Variants in ZRANB3 observed in about 807,000 individuals in gnomAD.
ZRANB3 encodes the protein DNA annealing helicase and endonuclease ZRANB3.
ZRANB3 carries 125 observed loss-of-function variants against 133.8 expected under a neutral mutation model. That is an observed-to-expected ratio of 0.93 (90% CI 0.81 to 1.08). The LOEUF is 1.08. Among genes scored for constraint, ZRANB3 ranks in the 50% least tolerant of loss-of-function variants. ZRANB3 has a pLI of 0.00. For missense variants in ZRANB3, 1,229 were observed against 1,275.5 expected (o/e 0.96, Z 0.56); for synonymous variants, 387 against 432.7 (o/e 0.89, Z 1.31).
chr2:135,244,465 G>C, intron 12 of ZRANB3, among the ~76,000 whole-genome samples: 1 of 152,166 alleles, frequency 6.6e-6, no homozygotes, highest in Middle Eastern at 3.4e-3. Flanking sequence ...AAAATTAGTC[G>C]TGCGTGGTGG....
intron 3 of ZRANB3, among the ~76,000 whole-genome samples, chr2:135,387,193 G>T (rs1687023310): frequency 2.0e-5 from 3 of 151,806 alleles, no homozygotes; most frequent in Admixed American, 1.3e-4. Context: ...ATGTAAAATT[G>T]CTCTCCCAAG....
intron 2 of ZRANB3, among the ~76,000 whole-genome samples, chr2:135,428,547 C>G (rs990366044): frequency 2.0e-5 from 3 of 151,062 alleles, no homozygotes; most frequent in Non-Finnish European, 4.4e-5. Context: ...AAGAAATAAT[C>G]AACAGACTAA....
chr2:135,352,305 C>CT (rs1685242515), intron 4 of ZRANB3, among the ~76,000 whole-genome samples: 1 of 150,672 alleles, frequency 6.6e-6, no homozygotes, highest in African/African-American at 2.4e-5. Flanking sequence ...GCATTCCAGC[C>CT]TGGGCGATAG....
intron 8 of ZRANB3, among the ~76,000 whole-genome samples, chr2:135,308,219 C>T (rs1682795092): frequency 6.6e-6 from 1 of 152,140 alleles, no homozygotes; most frequent in Non-Finnish European, 1.5e-5. Flanking sequence ...AGTAACAGAT[C>T]TCTGTCTTAT....
intron 2 of ZRANB3, among the ~76,000 whole-genome samples, chr2:135,423,421 C>A (rs866437850): frequency 3.9e-5 from 6 of 152,182 alleles, no homozygotes; most frequent in Non-Finnish European, 5.9e-5. Flanking sequence ...CAAAGTGAGA[C>A]CCTGTCTCAA....
At chr2:135,327,354 CTTA>C (rs1479060727) in intron 6 of ZRANB3, among the ~76,000 whole-genome samples, 2 of 151,922 alleles carry the variant, frequency 1.3e-5, no homozygotes, top group Non-Finnish European at 2.9e-5. Context: ...ATTTTATGTG[CTTA>C]TAAGACATGT....
At chr2:135,406,220 A>T (rs1243885403) in intron 2 of ZRANB3, among the ~76,000 whole-genome samples, 1 of 152,248 alleles carries the variant, frequency 6.6e-6, no homozygotes, top group African/African-American at 2.4e-5. Context: ...TAGAAAATCT[A>T]GAAGAAATGG....
intron 2 of ZRANB3, among the ~76,000 whole-genome samples, chr2:135,480,904 G>A (rs1228108024): frequency 7.0e-6 from 1 of 141,874 alleles, no homozygotes; most frequent in Non-Finnish European, 1.5e-5. Flanking sequence ...TGAGAATGAT[G>A]ATTTCCAATT....
intron 3 of ZRANB3, among the ~76,000 whole-genome samples, chr2:135,365,965 A>G (rs1487916540): frequency 6.6e-6 from 1 of 152,236 alleles, no homozygotes; most frequent in African/African-American, 2.4e-5. Context: ...ATAAATAAAT[A>G]AAGACACCAC....
intron 1 of ZRANB3, among the ~76,000 whole-genome samples, chr2:135,528,529 G>A (rs1694258308): frequency 6.6e-6 from 1 of 151,942 alleles, no homozygotes; most frequent in African/African-American, 2.4e-5. Flanking sequence ...TTGTCATAAG[G>A]AAAATGTACT....
intron 2 of ZRANB3, among the ~76,000 whole-genome samples, chr2:135,445,362 T>G (rs1689970794): frequency 6.6e-6 from 1 of 151,776 alleles, no homozygotes. Flanking sequence ...GAGAATCGCT[T>G]GAACTCGGGA....
In ZRANB3 at chr2:135,294,762, C is replaced by G. The variant is rs56741225; in HGVS notation, c.966+18727G>C. On this transcript the variant is annotated intron_variant, in intron 8 of 20. Transcript: ENST00000264159. ...GCTATAAATTTCCCTCTACACACTG[C>G]TTTGAATGTGTCCCAGAGACTTTGG... Among the ~76,000 whole-genome samples, 448 of 152,112 alleles carry G rather than the reference C, an allele frequency of 2.9e-3. 2 individuals are homozygous for G. Among genetic ancestry groups the G allele is most frequent in the African/African-American group, 0.01 (424 of 41,502 alleles).
At chr2:135,508,611 T>C (rs901506355) in intron 1 of ZRANB3, among the ~76,000 whole-genome samples, 7 of 152,318 alleles carry the variant, frequency 4.6e-5, no homozygotes, top group Admixed American at 1.3e-4. Context: ...GTGTGGTTCA[T>C]TGATGATTTA....
chr2:135,353,509 T>C lies in ZRANB3; in HGVS notation c.300A>G (p.Lys100=), dbSNP rs373817844. Residue 100 remains lysine (K), a synonymous_variant, in exon 4 of 21, where the codon AAA becomes AAG. Coordinates refer to ENST00000264159, the MANE Select transcript of ZRANB3 (RefSeq NM_032143.4). ...CTTCTGGACTTAGCTCTGGGATCCA[T>C]TTTTCAATTTCTTCTGTCCAAGGGT... is the stretch of plus-strand genomic sequence containing the variant. ...LRYPWTEEIE[K]WIPELSPEEI... The C allele has an allele frequency of 1.5e-5, 24 of 1,608,140 alleles. No individual in the cohort carries two copies. The highest frequency in any genetic ancestry group is 1.8e-5 in the Non-Finnish European group (21 of 1,176,762).
chr2:135,304,978 C>CT (rs960515720), intron 8 of ZRANB3, among the ~76,000 whole-genome samples: 60 of 151,040 alleles, frequency 4.0e-4, no homozygotes, highest in African/African-American at 9.2e-4. Flanking sequence ...TTTCAAGTTT[C>CT]TTTTTTTTTG....
intron 2 of ZRANB3, among the ~76,000 whole-genome samples, chr2:135,459,507 G>C (rs1652425336): frequency 6.6e-6 from 1 of 152,096 alleles, no homozygotes; most frequent in Non-Finnish European, 1.5e-5. Flanking sequence ...GTCAAAGAAA[G>C]ACCCTAACAG....
intron 12 of ZRANB3, among the ~76,000 whole-genome samples, chr2:135,232,570 T>A (rs1695082776): frequency 6.6e-6 from 1 of 152,192 alleles, no homozygotes; most frequent in African/African-American, 2.4e-5. Context: ...ACACCTCACA[T>A]GGCCAGGTAC....
chr2:135,462,650 T>C (rs1690815422), intron 2 of ZRANB3, among the ~76,000 whole-genome samples: 2 of 151,646 alleles, frequency 1.3e-5, no homozygotes, highest in African/African-American at 4.8e-5. Context: ...TGGAGTGTAG[T>C]GGCACTATCT....
chr2:135,235,396 CA>C (rs1695240349), intron 12 of ZRANB3, among the ~76,000 whole-genome samples: 1 of 152,128 alleles, frequency 6.6e-6, no homozygotes, highest in South Asian at 2.1e-4. Flanking sequence ...GAAACTATTC[CA>C]ATCAATAGAA....
Sources: gnomAD v4.1 joint callset for allele counts (sites outside exome capture counted in the v4.1 genomes callset) on GRCh38, gnomAD v4.1.1 for gene constraint, MANE v1.5 for transcripts, NCBI Gene and HGNC (gene_info 2026-07-23, HGNC 2026-07-21) for gene names.